BMPR2: variants seen among roughly 807,000 people sequenced by gnomAD.
The protein encoded by BMPR2 is bone morphogenetic protein receptor type-2.
BMPR2 carries 29 observed loss-of-function variants against 100.8 expected under a neutral mutation model. The observed-to-expected ratio is 0.29, with a 90% CI of 0.21 to 0.39. BMPR2 has a LOEUF of 0.39. Ranked by LOEUF, BMPR2 falls within the 10% of genes least tolerant of loss-of-function variation. BMPR2 has a pLI of 1.00. For synonymous variants in BMPR2, 382 were observed against 442.3 expected, an observed-to-expected ratio of 0.86 and a Z score of 1.71; for missense variants, 1,011 against 1,274.5, an observed-to-expected ratio of 0.79 and a Z score of 3.15.
At chr2:202,419,287 C>T (rs984410289) in intron 1 of BMPR2, among the ~76,000 whole-genome samples, 2 of 152,000 alleles carry the variant, frequency 1.3e-5, no homozygotes, top group Non-Finnish European at 2.9e-5. Context: ...TACTAATTAG[C>T]GTAACATTTT....
chr2:202,414,979 C>G (rs7582681), intron 1 of BMPR2, among the ~76,000 whole-genome samples: 76,252 of 151,532 alleles, frequency 0.5, 19,789 homozygotes, highest in African/African-American at 0.61. Context: ...TGATCCGCTT[C>G]CCTTGGCCTC....
At chr2:202,542,815 G>A (rs1268866872) in intron 10 of BMPR2, among the ~76,000 whole-genome samples, 11 of 152,036 alleles carry the variant, frequency 7.2e-5, no homozygotes, top group Admixed American at 7.2e-4. Flanking sequence ...CATAACCAAT[G>A]GCTAATGAAA....
Position 202,407,776 on chromosome 2 carries a change from A to C in BMPR2, c.76+30226A>C, listed in dbSNP as rs570969042. ...AAACAAAAACAAAAACAAAAAAAAA[A>C]CTGTATTTATACTTTATTCTGCATA... On this transcript the variant is annotated intron_variant, in intron 1 of 12. Coordinates refer to ENST00000374580, the MANE Select transcript of BMPR2 (RefSeq NM_001204.7). Among the ~76,000 whole-genome samples, 6 of 152,000 alleles carry C rather than the reference A, an allele frequency of 3.9e-5. No homozygotes were observed. The East Asian group carries it at 7.7e-4, about 20-fold the overall frequency.
At chr2:202,518,501 G>A (rs1032609578) in intron 5 of BMPR2, among the ~76,000 whole-genome samples, 1 of 152,060 alleles carries the variant, frequency 6.6e-6, no homozygotes, top group Non-Finnish European at 1.5e-5. Context: ...CTGCCCTCAG[G>A]ATAAAAGTCA....
At chr2:202,522,357 A>G (rs567076700) in intron 7 of BMPR2, among the ~76,000 whole-genome samples, 1 of 151,812 alleles carries the variant, frequency 6.6e-6, no homozygotes, top group Admixed American at 6.6e-5. Context: ...AATACAAAAA[A>G]TTAGCCAGGC....
intron 3 of BMPR2, among the ~76,000 whole-genome samples, chr2:202,484,756 G>A (rs1269641891): frequency 1.3e-5 from 2 of 151,844 alleles, no homozygotes; most frequent in African/African-American, 4.8e-5. Context: ...CACGAGGTCT[G>A]GAGATCGAGA....
intron 1 of BMPR2, among the ~76,000 whole-genome samples, chr2:202,380,488 G>T (rs1690258982): frequency 6.6e-6 from 1 of 152,082 alleles, no homozygotes; most frequent in Non-Finnish European, 1.5e-5. Context: ...TGGGGTTCTT[G>T]ATAAAAATGC....
chr2:202,425,622 A>G (rs1010577376), intron 1 of BMPR2, among the ~76,000 whole-genome samples: 2 of 152,208 alleles, frequency 1.3e-5, no homozygotes, highest in Non-Finnish European at 2.9e-5. Context: ...GCTGTGGAGG[A>G]GTTGGTGAGT....
chr2:202,493,396 C>T (rs1692950292), intron 3 of BMPR2, among the ~76,000 whole-genome samples: 1 of 151,878 alleles, frequency 6.6e-6, no homozygotes, highest in Admixed American at 6.6e-5. Flanking sequence ...TAGAATTATA[C>T]CAAAAATACT....
chr2:202,558,673 C>T lies in BMPR2; in HGVS notation c.2867-1023C>T, dbSNP rs192050974. The stretch of plus-strand genomic sequence containing the variant: ...CTTTGGGAGGCTGAGGCGGGCGGAT[C>T]ACCTGAGGTCGGGAGTTCGAGACCA... On this transcript the variant is annotated intron_variant, in intron 12 of 12. Transcript: ENST00000374580. 2.0e-3 allele frequency among the ~76,000 whole-genome samples: 300 copies of T among 149,696 alleles called. 1 individual carries two copies. Among genetic ancestry groups the T allele is most frequent in the African/African-American group, 6.7e-3 (273 of 40,774 alleles).
At chr2:202,422,557 C>T (rs953167611) in intron 1 of BMPR2, among the ~76,000 whole-genome samples, 2 of 152,220 alleles carry the variant, frequency 1.3e-5, no homozygotes, top group African/African-American at 4.8e-5. Flanking sequence ...CCGCCTGCCT[C>T]AGCCTCCCAA....
chr2:202,452,906 A>T (rs1692016704), intron 1 of BMPR2, among the ~76,000 whole-genome samples: 1 of 152,222 alleles, frequency 6.6e-6, no homozygotes, highest in African/African-American at 2.4e-5. Context: ...TGGGGTAATT[A>T]GAGTAGGAGT....
At chr2:202,500,616 T>G (rs1402724588) in intron 3 of BMPR2, among the ~76,000 whole-genome samples, 1 of 152,216 alleles carries the variant, frequency 6.6e-6, no homozygotes, top group Non-Finnish European at 1.5e-5. Context: ...CAGAATATTG[T>G]TAAACATTTG....
chr2:202,409,659 A>T (rs1429021104), intron 1 of BMPR2, among the ~76,000 whole-genome samples: 1 of 152,232 alleles, frequency 6.6e-6, no homozygotes, highest in Non-Finnish European at 1.5e-5. Context: ...AGGTATATAA[A>T]CAATAACACA....
At chr2:202,462,797 A>G (rs1230293395) in intron 1 of BMPR2, among the ~76,000 whole-genome samples, 2 of 151,586 alleles carry the variant, frequency 1.3e-5, no homozygotes, top group Non-Finnish European at 2.9e-5. Flanking sequence ...ACTGCAACCT[A>G]CACCTCCCAG....
At chr2:202,468,186 T>C (rs2105962835) in intron 3 of BMPR2, among the ~76,000 whole-genome samples, 1 of 151,520 alleles carries the variant, frequency 6.6e-6, no homozygotes, top group South Asian at 2.1e-4. Context: ...TTTGGTAAAA[T>C]ATAGTACTGG....
At position 202,443,401 on chromosome 2, in the gene BMPR2, C is replaced by T. The variant is rs1301604228; in HGVS notation, c.77-21408C>T. ...GGAACTTCCATATTGTTTTCCATAG[C>T]GGCTGCACCATTTTTCATTCCCACC... On this transcript the variant is annotated intron_variant, in intron 1 of 12. Coordinates refer to ENST00000374580, the MANE Select transcript of BMPR2 (RefSeq NM_001204.7). Among the ~76,000 whole-genome samples the T allele has an allele frequency of 2.0e-5, 3 of 150,640 alleles. 1 individual carries two copies. Among genetic ancestry groups the T allele is most frequent in the African/African-American group, 5.0e-5 (2 of 39,990 alleles).
chr2:202,551,911 T>C (rs1291604566), intron 10 of BMPR2, among the ~76,000 whole-genome samples: 1 of 150,032 alleles, frequency 6.7e-6, no homozygotes, highest in African/African-American at 2.4e-5. Flanking sequence ...TCGCCCAGTC[T>C]GGAGTGCAGT....
chr2:202,551,394 G>A (rs900742370), intron 10 of BMPR2, among the ~76,000 whole-genome samples: 2 of 151,290 alleles, frequency 1.3e-5, no homozygotes, highest in African/African-American at 2.4e-5. Context: ...CGTGGTGGCA[G>A]GCGCCTATAA....
Sources: gnomAD v4.1 joint callset for allele counts (sites outside exome capture counted in the v4.1 genomes callset) on GRCh38, gnomAD v4.1.1 for gene constraint, MANE v1.5 for transcripts, NCBI Gene and HGNC (gene_info 2026-07-23, HGNC 2026-07-21) for gene names.